The following AKR1C4 variants were observed in gnomAD, a reference collection of about 807,000 sequenced individuals.
AKR1C4 encodes 3-alpha-HSD1.
AKR1C4 carries 44 observed loss-of-function variants against 41.0 expected under a neutral mutation model. That is an observed-to-expected ratio of 1.07 (90% CI 0.84 to 1.38). The LOEUF is 1.38. AKR1C4 is among the 40% of genes most tolerant of loss of function. The pLI is 0.00. For synonymous variants in AKR1C4, 165 were observed against 137.7 expected (o/e 1.20, Z -1.39); for missense variants, 438 against 387.9 (o/e 1.13, Z -1.09).
intron 1 of AKR1C4, among the ~76,000 whole-genome samples, chr10:5,197,804 C>T (rs1400790737): frequency 2.0e-5 from 3 of 152,154 alleles, no homozygotes; most frequent in East Asian, 1.9e-4. Flanking sequence ...TGAAGACCAT[C>T]GACAGGAGTG....
intron 5 of AKR1C4, chr10:5,207,226 T>C (rs1588339718): frequency 5.5e-6 from 1 of 181,106 alleles, no homozygotes; most frequent in East Asian, 1.6e-4. Flanking sequence ...ACTTCAGTCC[T>C]TCCACATTGT....
chr10:5,208,600 C>T (rs1469104828), intron 5 of AKR1C4, among the ~76,000 whole-genome samples: 1 of 151,518 alleles, frequency 6.6e-6, no homozygotes, highest in South Asian at 2.1e-4. Flanking sequence ...TTCACCTCTA[C>T]AGACCTTTCA....
intron 7 of AKR1C4, 54 bp downstream of exon 7, chr10:5,213,213 C>T: frequency 6.3e-7 from 1 of 1,599,060 alleles, no homozygotes; most frequent in Non-Finnish European, 8.5e-7. Flanking sequence ...CACACGTGTG[C>T]TTCTTGTAAG....
At position 5,218,795 on chromosome 10, in the gene AKR1C4, C is replaced by T. The variant is rs1207863403; in HGVS notation, c.*35C>T. 4 of 1,575,266 alleles carry T rather than the reference C, an allele frequency of 2.5e-6. No individual in the cohort carries two copies. Among genetic ancestry groups the T allele is most frequent in the Non-Finnish European group, 3.5e-6 (4 of 1,145,292 alleles). On this transcript the variant is annotated 3_prime_UTR_variant, in exon 9 of 9. Coordinates refer to ENST00000263126, the MANE Select transcript of AKR1C4 (RefSeq NM_001818.5). ...TGTTGCACGACATCTAGCAGAAGGC[C>T]CTGTGTGTGGATGGTGATGCAGAGG...
In AKR1C4 at chr10:5,213,291, A is replaced by G. The variant is rs573939175; in HGVS notation, c.846+132A>G. 2.1e-5 allele frequency: 29 copies of G among 1,412,822 alleles called. No individual in the cohort carries two copies. The East Asian group carries it at 2.5e-4, about 12-fold the overall frequency. 87.5% of individuals were successfully genotyped at this position (1,412,822 alleles called of 1,614,324 possible). A position where few individuals can be genotyped will look rare whatever the true frequency, so the allele number is the denominator to read the frequency against. ...TCCTATGCACAAATGCTTTGTGTGC[A>G]TAAGTGTTTTCTACTCTACCACAGG... On this transcript the variant is annotated intron_variant, in intron 7 of 8. Transcript: ENST00000263126.
intron 2 of AKR1C4, 117 bp downstream of exon 2, chr10:5,200,465 T>G: frequency 6.9e-7 from 1 of 1,448,966 alleles, no homozygotes; most frequent in South Asian, 1.6e-5. Flanking sequence ...TTCCAATTTA[T>G]TCACACATAT....
chr10:5,203,232 A>AG (rs1832429515), intron 2 of AKR1C4, among the ~76,000 whole-genome samples: 1 of 151,996 alleles, frequency 6.6e-6, no homozygotes, highest in African/African-American at 2.4e-5. Context: ...GTTCTGGCCA[A>AG]GGGGGCTCAT....
chr10:5,200,602 T>C (rs1554796853), intron 2 of AKR1C4, among the ~76,000 whole-genome samples: 1 of 152,250 alleles, frequency 6.6e-6, no homozygotes, highest in Non-Finnish European at 1.5e-5. Flanking sequence ...ATAATTATTT[T>C]ATGAATTCAT....
intron 7 of AKR1C4, among the ~76,000 whole-genome samples, chr10:5,216,262 T>C (rs1487343857): frequency 6.6e-6 from 1 of 152,250 alleles, no homozygotes; most frequent in Non-Finnish European, 1.5e-5. Context: ...TCATGAGGGA[T>C]GCCCCCAGGG....
chr10:5,204,678 A>G (rs2132128714), intron 3 of AKR1C4, 185 bp downstream of exon 3: 1 of 744,546 alleles, frequency 1.3e-6, no homozygotes, highest in South Asian at 1.4e-5. Flanking sequence ...ATGACAAGAG[A>G]AGACAGTACA....
chr10:5,202,940 TGTGTGTGTGTGTG>T (rs1437690920), intron 2 of AKR1C4, among the ~76,000 whole-genome samples: 6,568 of 37,764 alleles, frequency 0.17, 211 homozygotes, highest in Non-Finnish European at 0.24. Context: ...AGTTTTCTTT[TGTGTGTGTGTGTG>T]TGTGTGTGTG....
rs1202422542 is a variant in AKR1C4 at position 5,208,178 on chromosome 10, T to C, written c.570+1781T>C. Among the ~76,000 whole-genome samples, 3 of 151,656 alleles carry C rather than the reference T, an allele frequency of 2.0e-5. 1 individual carries two copies. The highest frequency in any genetic ancestry group is 4.9e-5 in the African/African-American group (2 of 40,916). On this transcript the variant is annotated intron_variant, in intron 5 of 8. Coordinates refer to ENST00000263126, the MANE Select transcript of AKR1C4 (RefSeq NM_001818.5). ...TGACCTTTTGACTGTCCACATCTTATTCTGATGCACTGCTTTGCTTTCTGT... is the reference window on the plus strand; with the variant it reads ...TGACCTTTTGACTGTCCACATCTTACTCTGATGCACTGCTTTGCTTTCTGT...
intron 1 of AKR1C4, among the ~76,000 whole-genome samples, chr10:5,197,415 G>A (rs184744487): frequency 1.1e-4 from 16 of 152,338 alleles, no homozygotes; most frequent in Admixed American, 5.2e-4. Context: ...GAGTACTGCT[G>A]AGCTGCCGCG....
chr10:5,206,747 G>C (rs1832494342), intron 5 of AKR1C4, among the ~76,000 whole-genome samples: 1 of 123,300 alleles, frequency 8.1e-6, no homozygotes, highest in African/African-American at 3.7e-5. Flanking sequence ...ATTTGGAGTA[G>C]AATGTATATA....
intron 8 of AKR1C4, 96 bp downstream of exon 8, chr10:5,216,889 C>T (rs1832665047): frequency 1.3e-6 from 1 of 788,910 alleles, no homozygotes; most frequent in Admixed American, 2.3e-5. Context: ...GAGACAGAGG[C>T]CAGTGCAAGT....
chr10:5,201,111 T>G (rs1429923337), intron 2 of AKR1C4, among the ~76,000 whole-genome samples: 1 of 152,144 alleles, frequency 6.6e-6, no homozygotes, highest in Non-Finnish European at 1.5e-5. Flanking sequence ...TTCTTTTCTT[T>G]TTGGTAGATA....
chr10:5,216,682 A>G, intron 7 of AKR1C4, 29 bp from the exon 8 acceptor site: 1 of 1,548,304 alleles, frequency 6.5e-7, no homozygotes, highest in Non-Finnish European at 8.9e-7. Flanking sequence ...ATGCAATCTA[A>G]GAATAAACAT....
At chr10:5,200,764 C>G (rs1434767931) in intron 2 of AKR1C4, among the ~76,000 whole-genome samples, 1 of 152,148 alleles carries the variant, frequency 6.6e-6, no homozygotes. Flanking sequence ...TCACTCCCAA[C>G]CTAACCCACA....
intron 5 of AKR1C4, chr10:5,207,659 C>T: frequency 9.4e-7 from 1 of 1,063,662 alleles, no homozygotes. Context: ...CCTACCTGTG[C>T]AATCATAGGA....
Sources: allele counts gnomAD v4.1 joint callset (sites outside exome capture counted in the v4.1 genomes callset), GRCh38; gene constraint gnomAD v4.1.1; transcripts MANE v1.5; gene names NCBI Gene and HGNC (gene_info 2026-07-23, HGNC 2026-07-21).